Variants in DSG3 observed in about 807,000 individuals in gnomAD.
DSG3 encodes desmoglein 3.
DSG3 carries 63 observed loss-of-function variants against 85.9 expected under a neutral mutation model. That is an observed-to-expected ratio of 0.73 (90% CI 0.60 to 0.90). The LOEUF is 0.90. Among genes scored for constraint, DSG3 ranks in the 40% least tolerant of loss-of-function variants. The pLI, the probability that DSG3 is intolerant of heterozygous loss-of-function variation, is 0.00. For missense variants in DSG3, 1,220 were observed against 1,219.9 expected (o/e 1.00, Z 0.00); for synonymous variants, 447 against 441.9 (o/e 1.01, Z -0.14).
chr18:31,464,071 AT>A lies in DSG3; in HGVS notation c.1000-35del, dbSNP rs778892043. ...TCATCTACTGGGTTTGCGGGAGTGT[AT>A]TTTTGTGAAACTGCCTTCTAATTTT... is the stretch of plus-strand genomic sequence containing the variant. On this transcript the variant is annotated intron_variant, in intron 8 of 15. Transcript: ENST00000257189. 15 of 1,586,024 alleles carry A rather than the reference AT, an allele frequency of 9.5e-6. No individual in the cohort carries two copies. The Admixed American group carries it at 2.4e-4, about 26-fold the overall frequency.
chr18:31,467,307 C>T (rs1211143173), intron 11 of DSG3, among the ~76,000 whole-genome samples: 1 of 152,058 alleles, frequency 6.6e-6, no homozygotes, highest in Admixed American at 6.5e-5. Context: ...TGCCACTGCA[C>T]TCCAGCCTGG....
At chr18:31,473,533 T>G (rs944034874) in intron 14 of DSG3, among the ~76,000 whole-genome samples, 1 of 152,244 alleles carries the variant, frequency 6.6e-6, no homozygotes, top group African/African-American at 2.4e-5. Context: ...TATGTAACTG[T>G]CTTCCTTTAT....
chr18:31,469,058 A>C (rs1390181203), intron 11 of DSG3, 31 bp from the exon 12 acceptor site: 1 of 1,607,854 alleles, frequency 6.2e-7, no homozygotes. Flanking sequence ...ACTTCGTCCT[A>C]CTGTTGATTT....
At position 31,472,415 on chromosome 18, in the gene DSG3, G is replaced by A; in HGVS notation, c.2029G>A (p.Glu677Lys). Reference protein sequence around the residue: ...HQWGIEGAHPEDKEITNICVP... With the variant: ...HQWGIEGAHPKDKEITNICVP... ...GTGGGGAATTGAAGGAGCCCATCCT[G>A]AAGACAAGGTAAGCATCCAGTTCAT... The change falls in exon 13 of 16, where the codon GAA becomes AAA. Residue 677 changes from glutamate (E) to lysine (K), a missense_variant. Glu to Lys is a moderately conservative substitution (Grantham distance 56). Coordinates refer to ENST00000257189, the MANE Select transcript of DSG3 (RefSeq NM_001944.3). The A allele has an allele frequency of 6.2e-7, 1 of 1,612,518 alleles. No individual in the cohort carries two copies. The highest frequency in any genetic ancestry group is 8.5e-7 in the Non-Finnish European group (1 of 1,179,620).
In DSG3 at chr18:31,469,267, G is replaced by A; in HGVS notation, c.1815G>A (p.Gly605=). The A allele has an allele frequency of 6.2e-7, 1 of 1,614,142 alleles. No individual in the cohort carries two copies. The highest frequency in any genetic ancestry group is 2.2e-5 in the East Asian group (1 of 44,878). The change falls in exon 12 of 16, where the codon GGG becomes GGA. Residue 605 remains glycine (G), a synonymous_variant. Transcript: ENST00000257189. ...CTTCTTACCCAACCACAAGCCCTGG[G>A]ACCAGGTATGGCAGGCCGCACTCAG... ...CGTSYPTTSP[G]TRYGRPHSGR...
At chr18:31,474,887 G>C (rs909585891) in intron 15 of DSG3, among the ~76,000 whole-genome samples, 1 of 152,148 alleles carries the variant, frequency 6.6e-6, no homozygotes, top group Non-Finnish European at 1.5e-5. Context: ...AGAATTTCTA[G>C]CATCTTCTTT....
chr18:31,477,584 A>G lies in DSG3; in HGVS notation c.*1324A>G, dbSNP rs981986709. ...GGAAAGGGAATTATGAGTAACCTCT[A>G]TTTTTTAAGCCTTGCTTTTAAATTA... On this transcript the variant is annotated 3_prime_UTR_variant, in exon 16 of 16. Transcript: ENST00000257189. 5 of 152,210 alleles carry G rather than the reference A, an allele frequency of 3.3e-5. No individual in the cohort carries two copies. Among genetic ancestry groups the G allele is most frequent in the Admixed American group, 2.0e-4 (3 of 15,288 alleles). 9.4% of individuals were successfully genotyped at this position (152,210 alleles called of 1,614,324 possible).
chr18:31,472,331 G>C lies in DSG3; in HGVS notation c.1945G>C (p.Gly649Arg). ...CTGTGACTGTGGGGCAGGTTCTACT[G>C]GGGGAGTGACAGGTGGTTTTATCCC... Reference protein sequence around the residue: ...LTCDCGAGSTGGVTGGFIPVP... With the variant: ...LTCDCGAGSTRGVTGGFIPVP... Residue 649 changes from glycine to arginine, a missense_variant, in exon 13 of 16, where the codon GGG becomes CGG. By Grantham distance (125) the Gly-to-Arg change is moderately radical. Transcript: ENST00000257189. 3 of 1,614,144 alleles carry C rather than the reference G, an allele frequency of 1.9e-6. No individual in the cohort carries two copies. The highest frequency in any genetic ancestry group is 2.5e-6 in the Non-Finnish European group (3 of 1,180,000).
At chr18:31,452,390 G>T (rs535549375) in intron 1 of DSG3, among the ~76,000 whole-genome samples, 1 of 151,828 alleles carries the variant, frequency 6.6e-6, no homozygotes, top group Non-Finnish European at 1.5e-5. Flanking sequence ...TTGGTGGTGC[G>T]CACCTGTAGT....
chr18:31,456,979 C>A lies in DSG3; in HGVS notation c.85-14C>A. 1 of 1,581,788 alleles carries A rather than the reference C, an allele frequency of 6.3e-7. No individual in the cohort carries two copies. Among genetic ancestry groups the A allele is most frequent in the Non-Finnish European group, 8.6e-7 (1 of 1,167,388 alleles). On this transcript the variant is annotated splice_polypyrimidine_tract_variant and intron_variant, in intron 2 of 15. Transcript: ENST00000257189. The stretch of plus-strand genomic sequence containing the variant: ...ATTAATTTCCATAACAAATGGAATC[C>A]CTTTTTACATAAGACTAAAGGTCAA...
intron 11 of DSG3, among the ~76,000 whole-genome samples, chr18:31,468,636 A>G (rs1412453277): frequency 6.6e-6 from 1 of 152,202 alleles, no homozygotes; most frequent in Non-Finnish European, 1.5e-5. Flanking sequence ...GCTAATGAAA[A>G]TAAGTAGTAA....
At chr18:31,467,167 C>A (rs1409052955) in intron 11 of DSG3, among the ~76,000 whole-genome samples, 3 of 152,004 alleles carry the variant, frequency 2.0e-5, no homozygotes, top group Admixed American at 2.0e-4. Flanking sequence ...ATGGTGAAAC[C>A]CCATTTCTAC....
chr18:31,474,166 C>T lies in DSG3; in HGVS notation c.2147C>T (p.Thr716Ile), dbSNP rs2072871918. The change falls in exon 15 of 16, where the codon ACT (threonine) becomes ATT (isoleucine). Residue 716 changes from threonine to isoleucine, a missense_variant. Thr to Ile is a moderately conservative substitution (Grantham distance 89). Coordinates refer to ENST00000257189, the MANE Select transcript of DSG3 (RefSeq NM_001944.3). ...GCCAGAGGCACAGCGGTGGAAGGCA[C>T]TTCAGGAATGGAAATGACCACTAAG... Reference protein sequence around the residue: ...TYARGTAVEGTSGMEMTTKLG... With the variant: ...TYARGTAVEGISGMEMTTKLG... The T allele has an allele frequency of 1.9e-6, 3 of 1,614,178 alleles. No homozygotes were observed. Among genetic ancestry groups the T allele is most frequent in the Non-Finnish European group, 8.5e-7 (1 of 1,180,012 alleles).
chr18:31,453,809 T>C (rs2072725498), intron 1 of DSG3, among the ~76,000 whole-genome samples: 1 of 152,110 alleles, frequency 6.6e-6, no homozygotes, highest in African/African-American at 2.4e-5. Context: ...ACTTAGTTCA[T>C]TCAAATCGTC....
Position 31,478,670 on chromosome 18 carries a change from A to G in DSG3, c.*2410A>G, listed in dbSNP as rs886369689. ...TAAACAGTATAATGTTGTTATAATA[A>G]AACAGGCAATAAATTTATAAATAAA... On this transcript the variant is annotated 3_prime_UTR_variant, in exon 16 of 16. Transcript: ENST00000257189. 6.6e-6 allele frequency: 1 copy of G among 152,232 alleles called. No homozygotes were observed. Among genetic ancestry groups the G allele is most frequent in the African/African-American group, 2.4e-5 (1 of 41,456 alleles). 9.4% of individuals were successfully genotyped at this position (152,232 alleles called of 1,614,324 possible).
intron 3 of DSG3, 95 bp downstream of exon 3, chr18:31,457,219 C>A: frequency 7.8e-7 from 1 of 1,281,792 alleles, no homozygotes; most frequent in Non-Finnish European, 1.1e-6. Flanking sequence ...AAAATGAAGA[C>A]TGGGGAGTCC....
intron 8 of DSG3, among the ~76,000 whole-genome samples, chr18:31,462,741 C>G (rs538196461): frequency 1.3e-5 from 2 of 152,288 alleles, no homozygotes; most frequent in Non-Finnish European, 2.9e-5. Flanking sequence ...CTGGCTTTTC[C>G]TCTCTTCTCT....
At chr18:31,463,986 CT>C in intron 8 of DSG3, 124 bp from the exon 9 acceptor site, 1 of 881,010 alleles carries the variant, frequency 1.1e-6, no homozygotes, top group South Asian at 1.8e-5. Flanking sequence ...ATTTCTGAAG[CT>C]GTTTTGCTAT....
Position 31,464,277 on chromosome 18 carries a change from C to G in DSG3, c.1166C>G (p.Thr389Arg). The G allele has an allele frequency of 6.2e-7, 1 of 1,614,156 alleles. No individual in the cohort carries two copies. Among genetic ancestry groups the G allele is most frequent in the Non-Finnish European group, 8.5e-7 (1 of 1,180,002 alleles). ...ATTGCATTCCGTCCTGCTTCCAAGACATTTACTGTGCAAAAAGGCATAAGT... is the reference window on the plus strand; with the variant it reads ...ATTGCATTCCGTCCTGCTTCCAAGAGATTTACTGTGCAAAAAGGCATAAGT... ...EGIAFRPASKTFTVQKGISSK... is the reference protein window; with the variant it reads ...EGIAFRPASKRFTVQKGISSK... The change falls in exon 9 of 16, where the codon ACA becomes AGA. Residue 389 changes from threonine to arginine, a missense_variant. By Grantham distance (71) the Thr-to-Arg change is moderately conservative (BLOSUM62 -1). Transcript: ENST00000257189.
Sources: gnomAD v4.1 joint callset for allele counts (sites outside exome capture counted in the v4.1 genomes callset) on GRCh38, gnomAD v4.1.1 for gene constraint, MANE v1.5 for transcripts, NCBI Gene and HGNC (gene_info 2026-07-23, HGNC 2026-07-21) for gene names.